Variants in PDS5A observed in about 807,000 individuals in gnomAD.
The protein encoded by PDS5A is sister chromatid cohesion protein PDS5 homolog A.
A neutral mutation model predicts 167.1 loss-of-function variants in PDS5A; 42 were observed. That is an observed-to-expected ratio of 0.25 (90% CI 0.20 to 0.33). PDS5A has a LOEUF of 0.33. Among genes scored for constraint, PDS5A ranks in the 10% least tolerant of loss-of-function variants. PDS5A has a pLI of 1.00. For synonymous variants in PDS5A, 553 were observed against 554.6 expected (o/e 1.00, Z 0.04); for missense variants, 1,033 against 1,605.9 (o/e 0.64, Z 6.10).
At chr4:39,939,097 C>G (rs1450746805) in intron 2 of PDS5A, among the ~76,000 whole-genome samples, 1 of 152,082 alleles carries the variant, frequency 6.6e-6, no homozygotes, top group African/African-American at 2.4e-5. Context: ...GTCATGTTGG[C>G]CAATACCTGT....
chr4:39,939,426 C>T (rs1051578514), intron 2 of PDS5A, among the ~76,000 whole-genome samples: 1 of 152,078 alleles, frequency 6.6e-6, no homozygotes. Flanking sequence ...CTGATCACAC[C>T]ACTGCAGTCC....
At chr4:39,888,464 A>G (rs1209084592) in intron 17 of PDS5A, among the ~76,000 whole-genome samples, 1 of 152,022 alleles carries the variant, frequency 6.6e-6, no homozygotes, top group African/African-American at 2.4e-5. Context: ...TTTAAAAAGG[A>G]AATTAATATA....
Position 39,867,051 on chromosome 4 carries a change from G to A in PDS5A, c.2506-54C>T, listed in dbSNP as rs941246613. ...AAAGCAACTTAAAATTCCAATTAAA[G>A]GGAAAATTAATTTAATTAGATTAAT... On this transcript the variant is annotated intron_variant, in intron 22 of 32. Coordinates refer to ENST00000303538, the MANE Select transcript of PDS5A (RefSeq NM_001100399.2). 3.6e-6 allele frequency: 5 copies of A among 1,402,962 alleles called. No homozygotes were observed. In the East Asian group the frequency reaches 7.2e-5, roughly 20 times the overall value. The allele number at this position is 1,402,962 out of a possible 1,614,324, so 86.9% of individuals were successfully genotyped here. A position where few individuals can be genotyped will look rare whatever the true frequency, so the allele number is the denominator to read the frequency against.
chr4:39,936,085 A>T (rs1211551961), intron 2 of PDS5A, among the ~76,000 whole-genome samples: 1 of 152,232 alleles, frequency 6.6e-6, no homozygotes, highest in Non-Finnish European at 1.5e-5. Context: ...AGGACTAAAA[A>T]GCAAAAGGAG....
At chr4:39,856,753 TTG>T (rs1718556277) in intron 26 of PDS5A, among the ~76,000 whole-genome samples, 1 of 151,878 alleles carries the variant, frequency 6.6e-6, no homozygotes, top group South Asian at 2.1e-4. Context: ...GAGGCAGAGG[TTG>T]CAGTGAGCCA....
Position 39,824,357 on chromosome 4 carries a change from A to G in PDS5A, c.*1128T>C, listed in dbSNP as rs936706289. On this transcript the variant is annotated 3_prime_UTR_variant, in exon 33 of 33. Transcript: ENST00000303538. ...TTTATTTTATGCAAAAAACTTAAAT[A>G]TGATTATGTGTACACATAAAGTGCA... 6.6e-6 allele frequency: 1 copy of G among 152,214 alleles called. No homozygotes were observed. The highest frequency in any genetic ancestry group is 1.5e-5 in the Non-Finnish European group (1 of 68,040). 9.4% of individuals were successfully genotyped at this position (152,214 alleles called of 1,614,324 possible).
intron 18 of PDS5A, among the ~76,000 whole-genome samples, chr4:39,877,961 C>T (rs892144703): frequency 6.6e-6 from 1 of 152,162 alleles, no homozygotes; most frequent in Non-Finnish European, 1.5e-5. Flanking sequence ...CTATTGTGAA[C>T]TTTTAATTAT....
At chr4:39,958,506 C>CAAAA (rs370128527) in intron 2 of PDS5A, among the ~76,000 whole-genome samples, 2 of 80,398 alleles carry the variant, frequency 2.5e-5, no homozygotes, top group African/African-American at 4.6e-5. Context: ...AACTGTGTCT[C>CAAAA]AAAAAAAAAA....
At chr4:39,858,874 C>T (rs1207530084) in intron 26 of PDS5A, among the ~76,000 whole-genome samples, 2 of 152,134 alleles carry the variant, frequency 1.3e-5, no homozygotes, top group African/African-American at 2.4e-5. Context: ...ATCCACTGTG[C>T]CCGGCTGAAA....
intron 2 of PDS5A, among the ~76,000 whole-genome samples, chr4:39,963,786 T>C: frequency 6.6e-6 from 1 of 150,960 alleles, no homozygotes; most frequent in East Asian, 1.9e-4. Flanking sequence ...CAGTGAGCCG[T>C]GATCACACCA....
chr4:39,851,930 T>G (rs1718155380), intron 26 of PDS5A, among the ~76,000 whole-genome samples: 1 of 152,132 alleles, frequency 6.6e-6, no homozygotes, highest in Non-Finnish European at 1.5e-5. Context: ...GGGGATAAGG[T>G]GAGGAAGCAT....
chr4:39,857,920 C>T, intron 26 of PDS5A, among the ~76,000 whole-genome samples: 1 of 152,120 alleles, frequency 6.6e-6, no homozygotes, highest in East Asian at 1.9e-4. Context: ...TCTCCCGCCC[C>T]GGCCTCCCAA....
At chr4:39,923,363 A>G (rs1030808823) in intron 5 of PDS5A, among the ~76,000 whole-genome samples, 4 of 151,460 alleles carry the variant, frequency 2.6e-5, no homozygotes, top group Non-Finnish European at 5.9e-5. Flanking sequence ...AAAAAGGAAA[A>G]GGAAAAAAAG....
At position 39,977,819 on chromosome 4, in the gene PDS5A, C is replaced by G. The variant is rs1009381707; in HGVS notation, c.-403G>C. On this transcript the variant is annotated 5_prime_UTR_variant, in exon 1 of 33. Transcript: ENST00000303538. The surrounding 1 kb of genome is among the most constrained non-coding windows in gnomAD (Gnocchi z 4.2). ...GGACCGCCGACTCGGACCCGGACGC[C>G]CCTCGCAGAGGCGCGCGCCCGGCCG... is the stretch of plus-strand genomic sequence containing the variant. The G allele has an allele frequency of 6.7e-6, 1 of 149,624 alleles. No homozygotes were observed. Among genetic ancestry groups the G allele is most frequent in the African/African-American group, 2.4e-5 (1 of 41,186 alleles). The allele number at this position is 149,624 out of a possible 1,614,324, so 9.3% of individuals were successfully genotyped here. A position where few individuals can be genotyped will look rare whatever the true frequency, so the allele number is the denominator to read the frequency against.
chr4:39,944,926 T>C (rs1047170373), intron 2 of PDS5A, among the ~76,000 whole-genome samples: 4 of 152,172 alleles, frequency 2.6e-5, no homozygotes, highest in African/African-American at 9.7e-5. Flanking sequence ...ACTGTTTCCA[T>C]TTTATTTTCT....
chr4:39,961,717 A>G (rs1729494938), intron 2 of PDS5A, among the ~76,000 whole-genome samples: 1 of 152,278 alleles, frequency 6.6e-6, no homozygotes, highest in African/African-American at 2.4e-5. Context: ...TTAATGTGCC[A>G]ATAACCTCAG....
intron 2 of PDS5A, among the ~76,000 whole-genome samples, chr4:39,944,488 T>A (rs1727556632): frequency 6.6e-6 from 1 of 151,236 alleles, no homozygotes; most frequent in African/African-American, 2.4e-5. Flanking sequence ...AGGTCAGGAG[T>A]TTCACACCAG....
At chr4:39,878,601 AAACAAAC>A (rs1720675746) in intron 18 of PDS5A, among the ~76,000 whole-genome samples, 1 of 152,110 alleles carries the variant, frequency 6.6e-6, no homozygotes, top group South Asian at 2.1e-4. Flanking sequence ...CATCTCAAAC[AAACAAAC>A]AAAAAAAAGC....
intron 32 of PDS5A, among the ~76,000 whole-genome samples, chr4:39,829,038 C>T (rs994304884): frequency 1.3e-5 from 2 of 152,192 alleles, no homozygotes; most frequent in African/African-American, 4.8e-5. Context: ...TCAGACTCCA[C>T]AATGCAAGGC....
Sources: allele counts gnomAD v4.1 joint callset (sites outside exome capture counted in the v4.1 genomes callset), GRCh38; gene constraint gnomAD v4.1.1; non-coding constraint Gnocchi (gnomAD v3.1); transcripts MANE v1.5; gene names NCBI Gene and HGNC (gene_info 2026-07-23, HGNC 2026-07-21).